NTN1: variants seen among roughly 807,000 people sequenced by gnomAD.
NTN1 encodes netrin 1.
NTN1 carries 11 observed loss-of-function variants against 54.2 expected under a neutral mutation model. That is an observed-to-expected ratio of 0.20 (90% confidence interval 0.13 to 0.34). The LOEUF is 0.34. Among genes scored for constraint, NTN1 ranks in the 10% least tolerant of loss-of-function variants. The pLI is 1.00. For missense variants in NTN1, 740 were observed against 893.1 expected (o/e 0.83, Z 2.18); for synonymous variants, 371 against 382.0 (o/e 0.97, Z 0.33).
chr17:9,066,403 C>T (rs1377171876), intron 2 of NTN1, among the ~76,000 whole-genome samples: 3 of 151,964 alleles, frequency 2.0e-5, no homozygotes, highest in South Asian at 2.1e-4. Context: ...CTGAGGTGGG[C>T]GGATCACAAG....
At chr17:9,201,311 G>A (rs1421018700) in intron 5 of NTN1, among the ~76,000 whole-genome samples, 1 of 152,158 alleles carries the variant, frequency 6.6e-6, no homozygotes, top group East Asian at 1.9e-4. Context: ...GGCTTACAGA[G>A]CTCATCTCTG....
At position 9,211,870 on chromosome 17, in the gene NTN1, T is replaced by C. The variant is rs1031810858; in HGVS notation, c.1412-9298T>C. ...CTTCCCTTTGAATTTTTGGTTGCTG[T>C]CTTTTTCTTAGTGATTCAGAAGAGT... On this transcript the variant is annotated intron_variant, in intron 5 of 6. Transcript: ENST00000173229. This position sits in a 1 kb window ranked among gnomAD's most constrained non-coding sequence, Gnocchi z 4.4. Among the ~76,000 whole-genome samples, 5 of 152,250 alleles carry C rather than the reference T, an allele frequency of 3.3e-5. No homozygotes were observed. The highest frequency in any genetic ancestry group is 1.2e-4 in the African/African-American group (5 of 41,464).
intron 2 of NTN1, among the ~76,000 whole-genome samples, chr17:9,058,358 G>C (rs2091985513): frequency 6.6e-6 from 1 of 152,088 alleles, no homozygotes; most frequent in Non-Finnish European, 1.5e-5. Context: ...TTTAAACAGA[G>C]CTCAAACATC....
At chr17:9,007,546 C>T in the NTN1 span, among the ~76,000 whole-genome samples, 6 of 146,556 alleles carry the variant, frequency 4.1e-5, no homozygotes, top group African/African-American at 1.5e-4. Context: ...CCCTTCCTTC[C>T]TTCCTTTCTT....
chr17:9,086,335 C>T (rs1386790980), intron 2 of NTN1, among the ~76,000 whole-genome samples: 3 of 152,128 alleles, frequency 2.0e-5, no homozygotes, highest in Non-Finnish European at 4.4e-5. Flanking sequence ...GTGAGACCCT[C>T]ATCTCTAAAA....
chr17:9,021,715 T>TGGGGCA (rs2091848626), intron 1 of NTN1, 130 bp downstream of exon 1: 1 of 151,678 alleles, frequency 6.6e-6, no homozygotes, highest in African/African-American at 2.4e-5. Flanking sequence ...GGGCTGGGGC[T>TGGGGCA]GGGGCAGCGG....
Position 9,082,133 on chromosome 17 carries a change from C to T in NTN1, c.1018+58742C>T, listed in dbSNP as rs980312348. 3.9e-5 allele frequency among the ~76,000 whole-genome samples: 6 copies of T among 152,306 alleles called. No homozygotes were observed. The South Asian group carries it at 6.2e-4, about 16-fold the overall frequency. ...GGAGTACAGTGGTGTGATCTTGGCTCACTGCAACCTCTGCCTCCTGGGTTC... is the reference window on the plus strand; with the variant it reads ...GGAGTACAGTGGTGTGATCTTGGCTTACTGCAACCTCTGCCTCCTGGGTTC... On this transcript the variant is annotated intron_variant, in intron 2 of 6. Coordinates refer to ENST00000173229, the MANE Select transcript of NTN1 (RefSeq NM_004822.3).
chr17:9,101,309 C>T (rs775465642), intron 2 of NTN1, among the ~76,000 whole-genome samples: 26 of 150,440 alleles, frequency 1.7e-4, no homozygotes, highest in Non-Finnish European at 2.8e-4. Context: ...GGAGTTGATT[C>T]GTGAGACTCT....
chr17:9,054,013 C>T lies in NTN1; in HGVS notation c.1018+30622C>T, dbSNP rs78160087. Among the ~76,000 whole-genome samples, 1,364 of 152,280 alleles carry T rather than the reference C, an allele frequency of 9.0e-3. 20 individuals are homozygous for T. Among genetic ancestry groups the T allele is most frequent in the African/African-American group, 0.029 (1,188 of 41,554 alleles). On this transcript the variant is annotated intron_variant, in intron 2 of 6. Coordinates refer to ENST00000173229, the MANE Select transcript of NTN1 (RefSeq NM_004822.3). ...CTTTCCCAGGGACTGGGTGGTCTCA[C>T]GTTTGCCTTGGCAGGGATCCCCGTT...
intron 6 of NTN1, among the ~76,000 whole-genome samples, chr17:9,235,514 G>T (rs1905956175): frequency 6.6e-6 from 1 of 152,120 alleles, no homozygotes; most frequent in Non-Finnish European, 1.5e-5. Flanking sequence ...GTGTGTCTTA[G>T]TCAGTTCTGG....
At chr17:9,195,005 T>C (rs1904585661) in intron 5 of NTN1, among the ~76,000 whole-genome samples, 1 of 152,066 alleles carries the variant, frequency 6.6e-6, no homozygotes, top group Non-Finnish European at 1.5e-5. Context: ...CTCTCTTCTT[T>C]CTCACTCTCT....
At chr17:9,092,766 A>ATTT (rs397827701) in intron 2 of NTN1, among the ~76,000 whole-genome samples, 3 of 148,810 alleles carry the variant, frequency 2.0e-5, no homozygotes, top group Non-Finnish European at 3.0e-5. Flanking sequence ...TAATTTTTGT[A>ATTT]TTTTTTTTTT....
chr17:9,098,914 A>C (rs9893768), intron 2 of NTN1, among the ~76,000 whole-genome samples: 14,614 of 152,282 alleles, frequency 0.096, 812 homozygotes, highest in Non-Finnish European at 0.12. Context: ...ATAACCTGAA[A>C]TCTTTCCTTC....
At chr17:9,032,260 G>A (rs746095045) in intron 2 of NTN1, among the ~76,000 whole-genome samples, 7 of 152,202 alleles carry the variant, frequency 4.6e-5, no homozygotes, top group Non-Finnish European at 7.3e-5. Context: ...TTCTGTTGTA[G>A]TGTATTTGTT....
At chr17:9,197,200 C>A (rs144976985) in intron 5 of NTN1, among the ~76,000 whole-genome samples, 1 of 152,172 alleles carries the variant, frequency 6.6e-6, no homozygotes, top group Admixed American at 6.5e-5. Flanking sequence ...GAGACTGAGG[C>A]CCAGAGGAGG....
chr17:9,084,471 G>C (rs537399428), intron 2 of NTN1, among the ~76,000 whole-genome samples: 1 of 152,046 alleles, frequency 6.6e-6, no homozygotes. Flanking sequence ...CGCTGTCACC[G>C]GGTGGCCCTT....
In NTN1 at chr17:9,237,761, T is replaced by C. The variant is rs563512696; in HGVS notation, c.1487-1879T>C. ...TGCTGGGGGTGGCTCCCCCATTGCT[T>C]AGCTAAGGGGCACTCAGTTGCCACG... On this transcript the variant is annotated intron_variant, in intron 6 of 6. Coordinates refer to ENST00000173229, the MANE Select transcript of NTN1 (RefSeq NM_004822.3). 2.8e-4 allele frequency among the ~76,000 whole-genome samples: 42 copies of C among 152,244 alleles called. No individual in the cohort carries two copies. The South Asian group carries it at 5.6e-3, about 20-fold the overall frequency.
intron 6 of NTN1, among the ~76,000 whole-genome samples, chr17:9,227,631 G>A (rs55668271): frequency 9.5e-4 from 9 of 9,478 alleles, no homozygotes; most frequent in Admixed American, 8.8e-3. Flanking sequence ...AGACTATCAC[G>A]CACACACATC....
intron 3 of NTN1, among the ~76,000 whole-genome samples, chr17:9,163,480 A>G (rs9914998): frequency 4.6e-3 from 20 of 4,362 alleles, no homozygotes; most frequent in South Asian, 0.011. Flanking sequence ...CCCCCGAAAC[A>G]CACACACACA....
Sources: allele counts gnomAD v4.1 joint callset (sites outside exome capture counted in the v4.1 genomes callset), GRCh38; gene constraint gnomAD v4.1.1; non-coding constraint Gnocchi (gnomAD v3.1); transcripts MANE v1.5; gene names NCBI Gene and HGNC (gene_info 2026-07-23, HGNC 2026-07-21).